ADCY1: variants seen among roughly 807,000 people sequenced by gnomAD.
ADCY1 encodes adenylate cyclase 1.
ADCY1 carries 28 observed loss-of-function variants against 105.4 expected under a neutral mutation model. That is an observed-to-expected ratio of 0.27 (90% CI 0.20 to 0.36). The LOEUF (loss-of-function observed/expected upper bound fraction) is 0.36, where lower values mean the gene tolerates loss of function less well. Among genes scored for constraint, ADCY1 ranks in the 10% least tolerant of loss-of-function variants. The pLI, the probability that ADCY1 is intolerant of heterozygous loss-of-function variation, is 1.00. For missense variants in ADCY1, 977 were observed against 1,434.2 expected (o/e 0.68, Z 5.15); for synonymous variants, 655 against 623.8 (o/e 1.05, Z -0.75).
chr7:45,634,867 T>A (rs1562699201), intron 4 of ADCY1, among the ~76,000 whole-genome samples: 1 of 152,212 alleles, frequency 6.6e-6, no homozygotes, highest in Admixed American at 6.5e-5. Context: ...TAAAATTTTG[T>A]TTAGAAAATT....
chr7:45,616,219 A>G (rs1352708493), intron 3 of ADCY1, among the ~76,000 whole-genome samples: 1 of 152,238 alleles, frequency 6.6e-6, no homozygotes, highest in South Asian at 2.1e-4. Flanking sequence ...GTCCAGGCCC[A>G]GATGGTTTCA....
intron 4 of ADCY1, among the ~76,000 whole-genome samples, chr7:45,644,100 A>T (rs1481356066): frequency 6.6e-6 from 1 of 152,202 alleles, no homozygotes; most frequent in Non-Finnish European, 1.5e-5. Flanking sequence ...TGGGTTTTGG[A>T]TGCAGTCACT....
intron 6 of ADCY1, 102 bp downstream of exon 6, chr7:45,657,987 C>G (rs1461311311): frequency 7.6e-7 from 1 of 1,321,398 alleles, no homozygotes; most frequent in African/African-American, 1.5e-5. Flanking sequence ...CTTGAGGGCA[C>G]TTGTGTGAGT....
At chr7:45,696,837 G>C (rs534964066) in intron 14 of ADCY1, among the ~76,000 whole-genome samples, 1 of 152,180 alleles carries the variant, frequency 6.6e-6, no homozygotes, top group Non-Finnish European at 1.5e-5. Flanking sequence ...ATGTGCACAG[G>C]CTGCTGCTGC....
At chr7:45,690,578 C>T (rs1784767506) in intron 14 of ADCY1, among the ~76,000 whole-genome samples, 1 of 152,222 alleles carries the variant, frequency 6.6e-6, no homozygotes, top group South Asian at 2.1e-4. Context: ...TTGGTAGAGT[C>T]CTTGGACTGG....
At position 45,714,568 on chromosome 7, in the gene ADCY1, A is replaced by G. The variant is rs1785328287; in HGVS notation, c.*573A>G. 1 of 154,224 alleles carries G rather than the reference A, an allele frequency of 6.5e-6. No homozygotes were observed. Among genetic ancestry groups the G allele is most frequent in the South Asian group, 2.0e-4 (1 of 4,894 alleles). The allele number at this position is 154,224 out of a possible 1,614,324, so 9.6% of individuals were successfully genotyped here. A position where few individuals can be genotyped will look rare whatever the true frequency, so the allele number is the denominator to read the frequency against. Reference sequence around the variant, plus strand: ...GGGTTGTTCACACCACAGGCACAATACAGAGCTGTCCACTCTTGAACTGGA... The same window carrying G: ...GGGTTGTTCACACCACAGGCACAATGCAGAGCTGTCCACTCTTGAACTGGA... On this transcript the variant is annotated 3_prime_UTR_variant, in exon 20 of 20. Coordinates refer to ENST00000297323, the MANE Select transcript of ADCY1 (RefSeq NM_021116.4).
intron 4 of ADCY1, among the ~76,000 whole-genome samples, chr7:45,645,051 C>G (rs1405206338): frequency 2.0e-5 from 3 of 151,992 alleles, no homozygotes. Context: ...GTATGAGTTG[C>G]CCAGGTTCTA....
intron 3 of ADCY1, among the ~76,000 whole-genome samples, chr7:45,613,473 T>C (rs1321009775): frequency 3.9e-5 from 6 of 152,188 alleles, no homozygotes; most frequent in Non-Finnish European, 5.9e-5. Flanking sequence ...TGGACCAATA[T>C]ACACCTTATG....
intron 5 of ADCY1, among the ~76,000 whole-genome samples, chr7:45,653,036 T>C (rs1794851690): frequency 6.6e-6 from 1 of 152,220 alleles, no homozygotes; most frequent in Non-Finnish European, 1.5e-5. Flanking sequence ...ATTTTGGAAA[T>C]GCCCGTTAAT....
intron 5 of ADCY1, among the ~76,000 whole-genome samples, chr7:45,652,354 G>C (rs1794832870): frequency 6.6e-6 from 1 of 152,192 alleles, no homozygotes; most frequent in Non-Finnish European, 1.5e-5. Context: ...GGTTCCAGAG[G>C]CTGCTCTGAT....
intron 3 of ADCY1, among the ~76,000 whole-genome samples, chr7:45,615,827 G>C (rs1295918963): frequency 1.3e-5 from 2 of 151,892 alleles, no homozygotes; most frequent in Non-Finnish European, 2.9e-5. Context: ...AAAGTTATTA[G>C]AATGAAGGAA....
In ADCY1 at chr7:45,710,429, T is replaced by A; in HGVS notation, c.2933-99T>A. On this transcript the variant is annotated intron_variant, in intron 18 of 19. Coordinates refer to ENST00000297323, the MANE Select transcript of ADCY1 (RefSeq NM_021116.4). The surrounding 1 kb of genome is among the most constrained non-coding windows in gnomAD (Gnocchi z 4.7). ...AACAAAGCCCTGAAAGGAGCAGCCT[T>A]TTCTCCACCAGGAGCAGCATCAGGT... 1 of 1,520,496 alleles carries A rather than the reference T, an allele frequency of 6.6e-7. No individual in the cohort carries two copies. The highest frequency in any genetic ancestry group is 8.9e-7 in the Non-Finnish European group (1 of 1,127,214). The allele number at this position is 1,520,496 out of a possible 1,614,324, so 94.2% of individuals were successfully genotyped here.
In ADCY1 at chr7:45,662,218, G is replaced by A; in HGVS notation, c.1605+4G>A. 12 of 1,611,168 alleles carry A rather than the reference G, an allele frequency of 7.4e-6. No homozygotes were observed. Among genetic ancestry groups the A allele is most frequent in the Non-Finnish European group, 1.0e-5 (12 of 1,179,134 alleles). ...GACCTGCGAGGACGATGACAAGGTAGGAGCAGCCAGGGAGCCTGCCATGCT... is the reference window on the plus strand; with the variant it reads ...GACCTGCGAGGACGATGACAAGGTAAGAGCAGCCAGGGAGCCTGCCATGCT... On this transcript the variant is annotated splice_donor_region_variant and intron_variant, in intron 8 of 19. Transcript: ENST00000297323.
Position 45,699,559 on chromosome 7 carries a change from G to C in ADCY1, c.2455-3817G>C, listed in dbSNP as rs118175984. ...AGCCTCCCGAGCAGCCAGGGTGAGA[G>C]CTGCGGACAAGGTGGAGAACGTGTG... On this transcript the variant is annotated intron_variant, in intron 14 of 19. Transcript: ENST00000297323. Among the ~76,000 whole-genome samples the C allele has an allele frequency of 3.2e-4, 48 of 152,234 alleles. No homozygotes were observed. In the East Asian group the frequency reaches 7.3e-3, roughly 23 times the overall value.
At chr7:45,616,792 A>G (rs566479713) in intron 3 of ADCY1, among the ~76,000 whole-genome samples, 2 of 152,370 alleles carry the variant, frequency 1.3e-5, no homozygotes, top group East Asian at 1.9e-4. Flanking sequence ...TCTGTTCAAC[A>G]TAGTACTGGA....
At chr7:45,683,535 G>C (rs1386976761) in intron 11 of ADCY1, among the ~76,000 whole-genome samples, 1 of 152,160 alleles carries the variant, frequency 6.6e-6, no homozygotes, top group Non-Finnish European at 1.5e-5. Context: ...GAGGCCATAG[G>C]TACAGGCTGG....
chr7:45,637,969 T>C (rs1278874005), intron 4 of ADCY1, among the ~76,000 whole-genome samples: 2 of 152,242 alleles, frequency 1.3e-5, no homozygotes, highest in African/African-American at 4.8e-5. Flanking sequence ...CAACTGTCTT[T>C]CTTTGTTTGA....
intron 3 of ADCY1, among the ~76,000 whole-genome samples, chr7:45,620,699 T>C (rs1471570519): frequency 6.6e-6 from 1 of 151,910 alleles, no homozygotes; most frequent in Non-Finnish European, 1.5e-5. Context: ...GAAAAACGAG[T>C]TATCATCTAC....
rs114094515 is a variant in ADCY1, at chr7:45,648,994, C to T, written c.1148+197C>T. On this transcript the variant is annotated intron_variant, in intron 5 of 19. Coordinates refer to ENST00000297323, the MANE Select transcript of ADCY1 (RefSeq NM_021116.4). ...TCAGGAAAGCATGAAAGGATGCTTCCGTGATTCCCTGCCTTTACATTTCGT... is the reference window on the plus strand; with the variant it reads ...TCAGGAAAGCATGAAAGGATGCTTCTGTGATTCCCTGCCTTTACATTTCGT... Among the ~76,000 whole-genome samples, 825 of 152,258 alleles carry T rather than the reference C, an allele frequency of 5.4e-3. 6 individuals are homozygous for T. The highest frequency in any genetic ancestry group is 0.018 in the African/African-American group (763 of 41,536).
Sources: gnomAD v4.1 joint callset for allele counts (sites outside exome capture counted in the v4.1 genomes callset) on GRCh38, gnomAD v4.1.1 for gene constraint, Gnocchi (gnomAD v3.1) non-coding constraint, MANE v1.5 for transcripts, NCBI Gene and HGNC (gene_info 2026-07-23, HGNC 2026-07-21) for gene names.